The following NUP58 variants were observed in gnomAD, a reference collection of about 807,000 sequenced individuals.
NUP58 encodes the protein nucleoporin p58/p45.
A neutral mutation model predicts 70.1 loss-of-function variants in NUP58; 17 were observed. The observed-to-expected ratio is 0.24, with a 90% CI of 0.17 to 0.36. The LOEUF is 0.36. Among genes scored for constraint, NUP58 ranks in the 10% least tolerant of loss-of-function variants. NUP58 has a pLI of 1.00. For synonymous variants in NUP58, 275 were observed against 257.6 expected, an observed-to-expected ratio of 1.07 and a Z score of -0.65; for missense variants, 644 against 701.5, an observed-to-expected ratio of 0.92 and a Z score of 0.93.
chr13:25,301,892 T>C lies in NUP58; in HGVS notation c.107+12T>C. ...ACGGGAGCGTCTAGGTAACCGCACT[T>C]TCTCGCCTTCCTGGGCCGGATTCAC... On this transcript the variant is annotated intron_variant, in intron 1 of 15. Transcript: ENST00000381736. 5 of 1,581,650 alleles carry C rather than the reference T, an allele frequency of 3.2e-6. No individual in the cohort carries two copies. Among genetic ancestry groups the C allele is most frequent in the Non-Finnish European group, 4.3e-6 (5 of 1,152,856 alleles).
chr13:25,308,332 G>T (rs1467549998), intron 2 of NUP58, among the ~76,000 whole-genome samples: 1 of 151,882 alleles, frequency 6.6e-6, no homozygotes, highest in East Asian at 1.9e-4. Flanking sequence ...ACACAGTCTT[G>T]CTCTGTTGTC....
At chr13:25,315,311 T>A (rs1178319821) in intron 5 of NUP58, 46 bp from the exon 6 acceptor site, 2 of 1,355,962 alleles carry the variant, frequency 1.5e-6, no homozygotes, top group Admixed American at 3.7e-5. Context: ...AAGGGGAAAT[T>A]GTTGTAGTCT....
downstream of NUP58, among the ~76,000 whole-genome samples, chr13:25,345,588 G>C (rs1374955510): frequency 6.6e-6 from 1 of 152,032 alleles, no homozygotes; most frequent in Non-Finnish European, 1.5e-5. Context: ...GGGCGGTGGG[G>C]GGGGGTCTGT....
intron 2 of NUP58, among the ~76,000 whole-genome samples, chr13:25,308,748 T>C (rs1474177935): frequency 6.6e-6 from 1 of 152,178 alleles, no homozygotes; most frequent in Non-Finnish European, 1.5e-5. Flanking sequence ...AAAATAATGT[T>C]TCACTGGAGC....
intron 13 of NUP58, chr13:25,334,784 G>A (rs1031109214): frequency 1.0e-6 from 1 of 984,356 alleles, no homozygotes; most frequent in African/African-American, 1.8e-5. Context: ...ATGAATTACA[G>A]CGCTAAACCT....
chr13:25,332,535 CACAAAA>C, intron 13 of NUP58: 1 of 866,016 alleles, frequency 1.2e-6, no homozygotes, highest in Non-Finnish European at 1.3e-6. Flanking sequence ...TTATAATACA[CACAAAA>C]AAATTAATAC....
At chr13:25,333,420 C>T (rs1349890421) in intron 13 of NUP58, 5 of 985,186 alleles carry the variant, frequency 5.1e-6, no homozygotes, top group Non-Finnish European at 6.0e-6. Context: ...AAATTGACTG[C>T]CTTCACTCTT....
chr13:25,347,562 T>C (rs1425833516), intron 3 of NUP58, among the ~76,000 whole-genome samples: 2 of 152,212 alleles, frequency 1.3e-5, no homozygotes, highest in African/African-American at 4.8e-5. Flanking sequence ...TGCTCCAACG[T>C]TTTCACACTT....
chr13:25,324,671 G>T (rs371814721), intron 9 of NUP58, among the ~76,000 whole-genome samples: 1 of 151,916 alleles, frequency 6.6e-6, no homozygotes. Flanking sequence ...TATTTTCTGC[G>T]TTTATATTAA....
intron 14 of NUP58, among the ~76,000 whole-genome samples, chr13:25,337,718 G>A (rs1054813012): frequency 6.6e-6 from 1 of 152,078 alleles, no homozygotes; most frequent in Admixed American, 6.6e-5. Context: ...TATAAGACGG[G>A]AGACCTATAA....
chr13:25,332,113 G>A (rs543787852), intron 13 of NUP58: 1 of 990,456 alleles, frequency 1.0e-6, no homozygotes, highest in East Asian at 1.1e-4. Context: ...ACCAAATTTT[G>A]AAGATGATAC....
At chr13:25,330,414 G>A (rs1468073687) in intron 12 of NUP58, among the ~76,000 whole-genome samples, 1 of 152,098 alleles carries the variant, frequency 6.6e-6, no homozygotes, top group African/African-American at 2.4e-5. Context: ...CACAAAAAGG[G>A]CGATGATAGC....
intron 13 of NUP58, chr13:25,333,660 C>A (rs1430248361): frequency 8.8e-5 from 87 of 985,182 alleles, no homozygotes; most frequent in Non-Finnish European, 1.0e-4. Flanking sequence ...TTAGTCATGT[C>A]ACCATGATGT....
Position 25,303,991 on chromosome 13 carries a change from C to T in NUP58, c.107+2111C>T, listed in dbSNP as rs73466646. On this transcript the variant is annotated intron_variant, in intron 1 of 15. Coordinates refer to ENST00000381736, the MANE Select transcript of NUP58 (RefSeq NM_014089.4). ...TTTGTTAGAGTGCTGGTTGGGAGGC[C>T]TGACAGCCCCTAGTGCCACCTAGTG... 4.9e-3 allele frequency among the ~76,000 whole-genome samples: 753 copies of T among 152,246 alleles called. 4 individuals carry two copies. The highest frequency in any genetic ancestry group is 0.017 in the African/African-American group (705 of 41,542).
intron 13 of NUP58, chr13:25,336,069 GGAAA>G (rs2031770193): frequency 9.9e-6 from 12 of 1,213,654 alleles, no homozygotes; most frequent in Non-Finnish European, 1.3e-5. Flanking sequence ...GTAACAAGAG[GGAAA>G]AGGATGACTA....
In NUP58 at chr13:25,341,485, A is replaced by C. The variant is rs1282627839; in HGVS notation, c.*1351A>C. On this transcript the variant is annotated 3_prime_UTR_variant, in exon 16 of 16. Coordinates refer to ENST00000381736, the MANE Select transcript of NUP58 (RefSeq NM_014089.4). ...TTGACACCAAATGGAGTGGCTTCTC[A>C]GCCTCTTAATGTCTTAAGTAAGTGC... The C allele has an allele frequency of 6.6e-6, 1 of 152,628 alleles. No homozygotes were observed. The highest frequency in any genetic ancestry group is 1.5e-5 in the Non-Finnish European group (1 of 68,028). 9.5% of individuals were successfully genotyped at this position (152,628 alleles called of 1,614,324 possible).
chr13:25,316,105 AAG>A (rs1357854838), intron 6 of NUP58, among the ~76,000 whole-genome samples: 3 of 152,150 alleles, frequency 2.0e-5, no homozygotes, highest in Non-Finnish European at 4.4e-5. Flanking sequence ...CATTGGCTTA[AAG>A]AGAGGGATAT....
exon 4 of NUP58, chr13:25,349,712 T>C (rs1316120939): frequency 1.3e-5 from 2 of 152,598 alleles, no homozygotes; most frequent in Non-Finnish European, 2.9e-5. Flanking sequence ...AATCCCATTA[T>C]TCAAGAAAAG....
chr13:25,312,872 T>A lies in NUP58; in HGVS notation c.287-11T>A. 1.9e-6 allele frequency: 3 copies of A among 1,578,142 alleles called. No individual in the cohort carries two copies. Among genetic ancestry groups the A allele is most frequent in the Non-Finnish European group, 2.6e-6 (3 of 1,160,406 alleles). On this transcript the variant is annotated splice_polypyrimidine_tract_variant and intron_variant, in intron 3 of 15. Transcript: ENST00000381736. Reference sequence around the variant, plus strand: ...TTGTTTGTTTGTTTATTCATTTATTTATTTAAATAGGAACGCCAGCCACTA... The same window carrying A: ...TTGTTTGTTTGTTTATTCATTTATTAATTTAAATAGGAACGCCAGCCACTA...
Sources: gnomAD v4.1 joint callset for allele counts (sites outside exome capture counted in the v4.1 genomes callset) on GRCh38, gnomAD v4.1.1 for gene constraint, MANE v1.5 for transcripts, NCBI Gene and HGNC (gene_info 2026-07-23, HGNC 2026-07-21) for gene names.